PRKG1: variants seen among roughly 807,000 people sequenced by gnomAD.
PRKG1 encodes protein kinase cGMP-dependent 1.
Under a neutral mutation model 88.1 loss-of-function variants are expected in PRKG1, and 35 were observed. That is an observed-to-expected ratio of 0.40 (90% CI 0.30 to 0.53). PRKG1 has a LOEUF of 0.53. Among genes scored for constraint, PRKG1 ranks in the 20% least tolerant of loss-of-function variants. PRKG1 has a pLI of 0.59. For missense variants in PRKG1, 540 were observed against 839.8 expected (o/e 0.64, Z 4.41); for synonymous variants, 303 against 292.5 (o/e 1.04, Z -0.37).
chr10:51,795,536 G>A (rs888227307), intron 3 of PRKG1, among the ~76,000 whole-genome samples: 7 of 152,044 alleles, frequency 4.6e-5, no homozygotes, highest in Admixed American at 1.3e-4. Context: ...AGAACATTCC[G>A]GCAGTTAGAA....
At chr10:51,795,803 T>A (rs926088392) in intron 3 of PRKG1, among the ~76,000 whole-genome samples, 3 of 152,106 alleles carry the variant, frequency 2.0e-5, no homozygotes, top group Non-Finnish European at 4.4e-5. Flanking sequence ...AATCATACTT[T>A]TCCATGTCTT....
At chr10:51,995,283 A>G (rs1410788553) in intron 5 of PRKG1, among the ~76,000 whole-genome samples, 3 of 152,156 alleles carry the variant, frequency 2.0e-5, no homozygotes, top group Non-Finnish European at 4.4e-5. Flanking sequence ...CGCCTGTTTT[A>G]ACAGTGAATG....
In PRKG1 at chr10:51,138,808, G is replaced by A. The variant is rs562441032; in HGVS notation, c.312-14356G>A. On this transcript the variant is annotated intron_variant, in intron 1 of 17. Transcript: ENST00000373980. ...AACGATTCCCCTGCCTCAGCCTCCCGAGTAGCTGGGATTACAGGCATGCGC... is the reference window on the plus strand; with the variant it reads ...AACGATTCCCCTGCCTCAGCCTCCCAAGTAGCTGGGATTACAGGCATGCGC... 5.6e-5 allele frequency among the ~76,000 whole-genome samples: 8 copies of A among 142,740 alleles called. No individual in the cohort carries two copies. The South Asian group carries it at 7.2e-4, about 13-fold the overall frequency. The allele number at this position is 142,740 out of a possible 152,430, so 93.6% of individuals were successfully genotyped here.
chr10:51,441,489 A>G (rs10997575), intron 2 of PRKG1, among the ~76,000 whole-genome samples: 47,734 of 151,606 alleles, frequency 0.31, 7,986 homozygotes, highest in African/African-American at 0.38. Context: ...TTATATTCTC[A>G]TTTTTCACTG....
At chr10:51,229,926 C>CAAA (rs35300789) in intron 2 of PRKG1, among the ~76,000 whole-genome samples, 1,887 of 33,172 alleles carry the variant, frequency 0.057, 115 homozygotes, top group African/African-American at 0.15. Flanking sequence ...GAGGCGATCT[C>CAAA]AAAAAAAAAA....
At position 52,111,884 on chromosome 10, in the gene PRKG1, C is replaced by G. The variant is rs184545514; in HGVS notation, c.936-21956C>G. The stretch of plus-strand genomic sequence containing the variant: ...GCTCTTCCCATATCTTTCTTCTTCT[C>G]GCATACTACTTAACATTAGCAGAGG... On this transcript the variant is annotated intron_variant, in intron 7 of 17. Coordinates refer to ENST00000373980, the MANE Select transcript of PRKG1 (RefSeq NM_006258.4). 2.6e-3 allele frequency among the ~76,000 whole-genome samples: 397 copies of G among 152,256 alleles called. 6 individuals are homozygous for G. The highest frequency in any genetic ancestry group is 9.0e-3 in the African/African-American group (372 of 41,556).
chr10:52,051,972 A>G (rs1465526982), intron 5 of PRKG1, among the ~76,000 whole-genome samples: 1 of 138,756 alleles, frequency 7.2e-6, no homozygotes, highest in African/African-American at 2.9e-5. Context: ...AGTGGGAAAG[A>G]TGTTCTCCTC....
chr10:52,260,207 GC>G (rs1841401269), intron 10 of PRKG1, among the ~76,000 whole-genome samples: 1 of 151,938 alleles, frequency 6.6e-6, no homozygotes, highest in Admixed American at 6.6e-5. Flanking sequence ...ATGGTTTTCG[GC>G]TACATGGATG....
intron 2 of PRKG1, among the ~76,000 whole-genome samples, chr10:51,386,358 T>C (rs1837248786): frequency 6.6e-6 from 1 of 152,106 alleles, no homozygotes; most frequent in Non-Finnish European, 1.5e-5. Flanking sequence ...ATTCCTAAGA[T>C]CTGCAGTTGG....
intron 3 of PRKG1, among the ~76,000 whole-genome samples, chr10:51,722,625 G>A (rs1840702874): frequency 6.6e-6 from 1 of 151,982 alleles, no homozygotes; most frequent in African/African-American, 2.4e-5. Flanking sequence ...TCACCTCTAT[G>A]GCAAAGAAAG....
At chr10:51,038,844 T>C (rs1843385016) in intron 1 of PRKG1, among the ~76,000 whole-genome samples, 1 of 152,354 alleles carries the variant, frequency 6.6e-6, no homozygotes, top group Admixed American at 6.5e-5. Flanking sequence ...TTATTACACA[T>C]TACATGCTTG....
intron 2 of PRKG1, among the ~76,000 whole-genome samples, chr10:51,428,701 C>G (rs1452560037): frequency 6.6e-6 from 1 of 152,134 alleles, no homozygotes; most frequent in Non-Finnish European, 1.5e-5. Context: ...ACTGTGAAAA[C>G]CAGTACTCAG....
intron 3 of PRKG1, among the ~76,000 whole-genome samples, chr10:51,536,651 T>TA (rs1554819578): frequency 2.0e-5 from 3 of 151,928 alleles, no homozygotes; most frequent in African/African-American, 7.3e-5. Context: ...TTTCTTTTTT[T>TA]TTATTATTAT....
intron 3 of PRKG1, among the ~76,000 whole-genome samples, chr10:51,756,185 G>A (rs12243606): frequency 0.41 from 61,666 of 151,938 alleles, 13,103 homozygotes; most frequent in Middle Eastern, 0.54. Context: ...TACAATAATT[G>A]TAATAAGTCA....
Position 51,267,420 on chromosome 10 carries a change from G to C in PRKG1, c.478+114090G>C, listed in dbSNP as rs139169044. On this transcript the variant is annotated intron_variant, in intron 2 of 17. Transcript: ENST00000373980. Reference sequence around the variant, plus strand: ...GTTACTACATAAGTAAAAATATTAGGTGTCTTTCAGTTTTTACTATGTTAA... The same window carrying C: ...GTTACTACATAAGTAAAAATATTAGCTGTCTTTCAGTTTTTACTATGTTAA... Among the ~76,000 whole-genome samples the C allele has an allele frequency of 1.4e-3, 209 of 152,160 alleles. 2 individuals carry two copies. The highest frequency in any genetic ancestry group is 9.4e-3 in the Admixed American group (144 of 15,276).
At chr10:51,636,835 T>G (rs1839668206) in intron 3 of PRKG1, among the ~76,000 whole-genome samples, 2 of 152,224 alleles carry the variant, frequency 1.3e-5, no homozygotes, top group South Asian at 4.1e-4. Context: ...TTCTTTGCTG[T>G]GATAGGTAGC....
chr10:52,270,441 T>C (rs1022703485), intron 10 of PRKG1, among the ~76,000 whole-genome samples: 2 of 152,054 alleles, frequency 1.3e-5, no homozygotes, highest in African/African-American at 4.8e-5. Flanking sequence ...TGCGGCACTA[T>C]TCACAATAGC....
intron 2 of PRKG1, among the ~76,000 whole-genome samples, chr10:51,283,764 A>G (rs1274660615): frequency 6.6e-6 from 1 of 152,204 alleles, no homozygotes; most frequent in Non-Finnish European, 1.5e-5. Context: ...AAATTGTGTT[A>G]TAGCTAAGTG....
At chr10:51,422,811 T>G (rs1838455134) in intron 2 of PRKG1, among the ~76,000 whole-genome samples, 1 of 152,148 alleles carries the variant, frequency 6.6e-6, no homozygotes, top group African/African-American at 2.4e-5. Context: ...GGTACCACAA[T>G]GTCATGATTG....
Sources: gnomAD v4.1 joint callset for allele counts (sites outside exome capture counted in the v4.1 genomes callset) on GRCh38, gnomAD v4.1.1 for gene constraint, MANE v1.5 for transcripts, NCBI Gene and HGNC (gene_info 2026-07-23, HGNC 2026-07-21) for gene names.